Variants in MTOR observed in about 807,000 individuals in gnomAD.
MTOR encodes mechanistic target of rapamycin kinase.
MTOR carries 70 observed loss-of-function variants against 319.8 expected under a neutral mutation model. That is an observed-to-expected ratio of 0.22 (90% confidence interval 0.18 to 0.27). The LOEUF is 0.27. Among genes scored for constraint, MTOR ranks in the 10% least tolerant of loss-of-function variants. The pLI is 1.00. For missense variants in MTOR, 1,890 were observed against 3,274.4 expected (o/e 0.58, Z 10.32); for synonymous variants, 1,183 against 1,211.4 (o/e 0.98, Z 0.49).
rs70977555 is a variant in MTOR at position 11,242,500 on chromosome 1, C to CAAAAAAAAAAAAA, written c.1412+601_1412+613dup. On this transcript the variant is annotated intron_variant, in intron 9 of 57. Coordinates refer to ENST00000361445, the MANE Select transcript of MTOR (RefSeq NM_004958.4). ...GGGCAACCAAAGTAAGACTCCATCT[C>CAAAAAAAAAAAAA]AAAAAAAAAAAAAAAAAAAAAAAAA... Among the ~76,000 whole-genome samples the CAAAAAAAAAAAAA allele has an allele frequency of 1.3e-4, 7 of 52,632 alleles. 1 individual carries two copies. The highest frequency in any genetic ancestry group is 2.6e-4 in the African/African-American group (3 of 11,568). 34.5% of individuals were successfully genotyped at this position (52,632 alleles called of 152,430 possible). A position where few individuals can be genotyped will look rare whatever the true frequency, so the allele number is the denominator to read the frequency against.
chr1:11,120,356 T>C (rs751164996), intron 49 of MTOR, among the ~76,000 whole-genome samples: 1 of 151,856 alleles, frequency 6.6e-6, no homozygotes, highest in Non-Finnish European at 1.5e-5. Context: ...CTGGACAACA[T>C]GGTGAAACCC....
chr1:11,173,406 TC>T lies in MTOR; in HGVS notation c.4254-5890del, dbSNP rs534934794. 1.1e-3 allele frequency among the ~76,000 whole-genome samples: 170 copies of T among 152,082 alleles called. 1 individual carries two copies. Among genetic ancestry groups the T allele is most frequent in the African/African-American group, 4.0e-3 (167 of 41,500 alleles). ...CCTGGACTCACGCAATCCTCCCACCTCAGCCTCTCAAAGGCCTACACCACCA... is the reference window on the plus strand; with the variant it reads ...CCTGGACTCACGCAATCCTCCCACCTAGCCTCTCAAAGGCCTACACCACCA... On this transcript the variant is annotated intron_variant, in intron 28 of 57. Transcript: ENST00000361445.
intron 19 of MTOR, among the ~76,000 whole-genome samples, chr1:11,219,119 G>A (rs1470148350): frequency 6.6e-6 from 1 of 152,050 alleles, no homozygotes; most frequent in South Asian, 2.1e-4. Flanking sequence ...GAAGGTTGAG[G>A]TGGGAGGATC....
chr1:11,194,709 T>A lies in MTOR; in HGVS notation c.4253+4549A>T, dbSNP rs1388628929. 2.5e-6 allele frequency: 4 copies of A among 1,611,884 alleles called. No individual in the cohort carries two copies. In the East Asian group the frequency reaches 8.9e-5, roughly 36 times the overall value. Reference sequence around the variant, plus strand: ...GAGAAGTTCAGGTACAAGCTCATAATCCCACTTGAGGAGAAAGAGTGAATT... The same window carrying A: ...GAGAAGTTCAGGTACAAGCTCATAAACCCACTTGAGGAGAAAGAGTGAATT... On this transcript the variant is annotated intron_variant, in intron 28 of 57. Coordinates refer to ENST00000361445, the MANE Select transcript of MTOR (RefSeq NM_004958.4).
chr1:11,106,937 T>C lies in MTOR; in HGVS notation c.*548A>G, dbSNP rs1238943190. 1 of 1,370,196 alleles carries C rather than the reference T, an allele frequency of 7.3e-7. No individual in the cohort carries two copies. The highest frequency in any genetic ancestry group is 9.6e-7 in the Non-Finnish European group (1 of 1,038,690). 84.9% of individuals were successfully genotyped at this position (1,370,196 alleles called of 1,614,324 possible). A position where few individuals can be genotyped will look rare whatever the true frequency, so the allele number is the denominator to read the frequency against. On this transcript the variant is annotated 3_prime_UTR_variant, in exon 58 of 58. Transcript: ENST00000361445. ...GGTCTGATGGAAGACAGACCTTTTG[T>C]ACTCATTTTGGCCTATCTTGCAAAC...
rs1643118587 is a variant in MTOR, at chr1:11,130,952, A to C, written c.5365-175T>G. 5 of 793,192 alleles carry C rather than the reference A, an allele frequency of 6.3e-6. No homozygotes were observed. The East Asian group carries it at 1.3e-4, about 21-fold the overall frequency. 49.1% of individuals were successfully genotyped at this position (793,192 alleles called of 1,614,324 possible). On this transcript the variant is annotated intron_variant, in intron 38 of 57. Coordinates refer to ENST00000361445, the MANE Select transcript of MTOR (RefSeq NM_004958.4). ...TGTTTTACTAAATTCAACATGATCC[A>C]CTCACTTTGTGGAGCACTAACTATA...
At chr1:11,161,409 C>T (rs752648777) in intron 29 of MTOR, among the ~76,000 whole-genome samples, 1 of 152,208 alleles carries the variant, frequency 6.6e-6, no homozygotes, top group Non-Finnish European at 1.5e-5. Flanking sequence ...ACTTAAATGT[C>T]CCCGTCTGAC....
intron 31 of MTOR, chr1:11,149,524 T>C (rs955316338): frequency 3.9e-5 from 6 of 152,440 alleles, no homozygotes; most frequent in Admixed American, 1.3e-4. Flanking sequence ...TATAATACCC[T>C]TTATAATAAA....
intron 6 of MTOR, among the ~76,000 whole-genome samples, chr1:11,253,376 C>T (rs903342717): frequency 2.6e-5 from 4 of 151,988 alleles, no homozygotes; most frequent in African/African-American, 9.7e-5. Context: ...TGTGTGCATA[C>T]TTCCAATGTT....
At chr1:11,178,733 G>A (rs1003679694) in intron 28 of MTOR, among the ~76,000 whole-genome samples, 1 of 152,138 alleles carries the variant, frequency 6.6e-6, no homozygotes, top group African/African-American at 2.4e-5. Flanking sequence ...CAAAAGGGGT[G>A]GGCTGATAGA....
chr1:11,140,161 A>C (rs1054378805), intron 34 of MTOR, among the ~76,000 whole-genome samples: 1 of 152,070 alleles, frequency 6.6e-6, no homozygotes, highest in Admixed American at 6.5e-5. Flanking sequence ...GCCACAGCCA[A>C]TTCCACTGTG....
At chr1:11,242,037 T>C (rs574220815) in intron 9 of MTOR, among the ~76,000 whole-genome samples, 21 of 152,140 alleles carry the variant, frequency 1.4e-4, no homozygotes, top group Admixed American at 6.6e-4. Context: ...AGCCATCATA[T>C]GGAAAGAAAT....
intron 30 of MTOR, among the ~76,000 whole-genome samples, chr1:11,156,137 T>G (rs1007993333): frequency 2.6e-5 from 4 of 152,128 alleles, no homozygotes; most frequent in Non-Finnish European, 5.9e-5. Context: ...ATCATAGGCC[T>G]GCAACACCAC....
intron 25 of MTOR, among the ~76,000 whole-genome samples, chr1:11,209,072 A>G (rs1571171571): frequency 6.6e-6 from 1 of 152,352 alleles, no homozygotes; most frequent in East Asian, 1.9e-4. Flanking sequence ...AAAAGGTTCT[A>G]CCATCCATAT....
At chr1:11,178,126 G>A (rs1472017462) in intron 28 of MTOR, among the ~76,000 whole-genome samples, 1 of 152,192 alleles carries the variant, frequency 6.6e-6, no homozygotes, top group Non-Finnish European at 1.5e-5. Flanking sequence ...CAGGAGTGCT[G>A]CTGATGGCTC....
chr1:11,181,292 A>G (rs2100666522), intron 28 of MTOR, among the ~76,000 whole-genome samples: 1 of 152,296 alleles, frequency 6.6e-6, no homozygotes, highest in Non-Finnish European at 1.5e-5. Context: ...GATGAGACAC[A>G]GCCTGGTGAT....
At position 11,127,483 on chromosome 1, in the gene MTOR, T is replaced by G; in HGVS notation, c.6216+141A>C. On this transcript the variant is annotated intron_variant, in intron 44 of 57. Transcript: ENST00000361445. The surrounding 1 kb of genome is among the most constrained non-coding windows in gnomAD (Gnocchi z 5.5). ...TCAGAGCTCGTTTTATTAAAGTCAG[T>G]GGAAAGGCCAGAGGAAAAGAAATCT... 9.9e-7 allele frequency: 1 copy of G among 1,014,572 alleles called. No homozygotes were observed. The highest frequency in any genetic ancestry group is 1.8e-5 in the South Asian group (1 of 55,704). The allele number at this position is 1,014,572 out of a possible 1,614,324, so 62.8% of individuals were successfully genotyped here. A position where few individuals can be genotyped will look rare whatever the true frequency, so the allele number is the denominator to read the frequency against.
intron 30 of MTOR, among the ~76,000 whole-genome samples, chr1:11,156,274 G>A (rs1274602488): frequency 6.6e-6 from 1 of 152,256 alleles, no homozygotes; most frequent in Non-Finnish European, 1.5e-5. Flanking sequence ...ACAGGTGTGA[G>A]CCACTGTGCC....
At chr1:11,261,488 C>T (rs556763140) in intron 1 of MTOR, among the ~76,000 whole-genome samples, 1 of 151,850 alleles carries the variant, frequency 6.6e-6, no homozygotes, top group Non-Finnish European at 1.5e-5. Flanking sequence ...AAACAAAAAA[C>T]ACCAATTAGT....
Sources: gnomAD v4.1 joint callset for allele counts (sites outside exome capture counted in the v4.1 genomes callset) on GRCh38, gnomAD v4.1.1 for gene constraint, Gnocchi (gnomAD v3.1) non-coding constraint, MANE v1.5 for transcripts, NCBI Gene and HGNC (gene_info 2026-07-23, HGNC 2026-07-21) for gene names.